Variants in LHPP observed in about 807,000 individuals in gnomAD.
LHPP encodes phospholysine phosphohistidine inorganic pyrophosphate phosphatase, also known as hLHPP.
A neutral mutation model predicts 30.3 loss-of-function variants in LHPP; 24 were observed. The observed-to-expected ratio is 0.79, with a 90% CI of 0.57 to 1.11. LHPP has a LOEUF of 1.11. Among genes scored for constraint, LHPP ranks in the 50% most tolerant of loss-of-function variants. The pLI, the probability that LHPP is intolerant of heterozygous loss-of-function variation, is 0.00. For synonymous variants in LHPP, 150 were observed against 157.1 expected (o/e 0.95, Z 0.34); for missense variants, 356 against 367.2 (o/e 0.97, Z 0.25).
chr10:124,498,572 A>G (rs955348484), intron 5 of LHPP: 31 of 1,087,594 alleles, frequency 2.9e-5, no homozygotes, highest in Admixed American at 5.7e-5. Flanking sequence ...TAGAAAGGAA[A>G]AAGAATCGGT....
intron 1 of LHPP, among the ~76,000 whole-genome samples, chr10:124,463,822 T>TTC (rs1952476522): frequency 6.6e-5 from 1 of 15,048 alleles, no homozygotes; most frequent in African/African-American, 1.5e-4. Context: ...TTTTTTTTCT[T>TTC]TTTTTTTTTT....
intron 6 of LHPP, among the ~76,000 whole-genome samples, chr10:124,574,741 G>A (rs1405346275): frequency 6.6e-6 from 1 of 152,142 alleles, no homozygotes; most frequent in Non-Finnish European, 1.5e-5. Context: ...GCTGAGGCTG[G>A]GGGAGGGCAT....
rs915553310 is a variant in LHPP at position 124,613,988 on chromosome 10, T to C, written c.*628T>C. On this transcript the variant is annotated 3_prime_UTR_variant, in exon 7 of 7. Transcript: ENST00000368842. ...CCAGGGGCAGCTCCCGAGGGCACTG[T>C]GAAGGCTCCCATGCCACACAGTGAG... 6.5e-6 allele frequency: 1 copy of C among 154,624 alleles called. No individual in the cohort carries two copies. The highest frequency in any genetic ancestry group is 1.4e-5 in the Non-Finnish European group (1 of 69,748). 9.6% of individuals were successfully genotyped at this position (154,624 alleles called of 1,614,324 possible).
At chr10:124,514,048 A>G (rs1954386815) in intron 5 of LHPP, among the ~76,000 whole-genome samples, 1 of 152,230 alleles carries the variant, frequency 6.6e-6, no homozygotes, top group African/African-American at 2.4e-5. Flanking sequence ...TTGTCAACCC[A>G]GATTCCTTGT....
chr10:124,462,581 C>G (rs1374433158), intron 1 of LHPP, among the ~76,000 whole-genome samples: 1 of 152,102 alleles, frequency 6.6e-6, no homozygotes, highest in East Asian at 1.9e-4. Context: ...GACTGCAGAG[C>G]GAGACGGTCT....
chr10:124,507,132 C>T (rs1158539897), intron 5 of LHPP, among the ~76,000 whole-genome samples: 2 of 17,476 alleles, frequency 1.1e-4, no homozygotes, highest in Admixed American at 8.8e-4. Context: ...GATTTCAGGT[C>T]GGGGGGTTAG....
At chr10:124,488,721 TTCTC>T in intron 3 of LHPP, 146 bp downstream of exon 3, 1 of 670,888 alleles carries the variant, frequency 1.5e-6, no homozygotes. Flanking sequence ...TTTTCATGCT[TTCTC>T]TCTTCATTTC....
At chr10:124,528,147 C>T (rs944187489) in intron 6 of LHPP, among the ~76,000 whole-genome samples, 1 of 152,162 alleles carries the variant, frequency 6.6e-6, no homozygotes, top group Non-Finnish European at 1.5e-5. Context: ...GAGGGTTAAG[C>T]TCGGCCCCTA....
chr10:124,475,028 G>GTTTTTTTTTTTTTTTTTT (rs536621289), intron 1 of LHPP, among the ~76,000 whole-genome samples: 1 of 9,652 alleles, frequency 1.0e-4, no homozygotes, highest in Non-Finnish European at 1.7e-4. Context: ...TGCTTCTCAT[G>GTTTTTTTTTTTTTTTTTT]TCTTTTTTTT....
chr10:124,551,836 C>T (rs1266015985), intron 6 of LHPP, among the ~76,000 whole-genome samples: 9 of 152,148 alleles, frequency 5.9e-5, no homozygotes, highest in Non-Finnish European at 1.0e-4. Context: ...CACCTCTGAC[C>T]TCGCTCCAGC....
chr10:124,468,874 G>A (rs1302651735), intron 1 of LHPP, among the ~76,000 whole-genome samples: 1 of 151,718 alleles, frequency 6.6e-6, no homozygotes, highest in Non-Finnish European at 1.5e-5. Flanking sequence ...CGTGGCAGAT[G>A]CCCAGAGTGG....
At position 124,541,528 on chromosome 10, in the gene LHPP, TC is replaced by T. The variant is rs1460184834; in HGVS notation, c.716+24260del. 2.0e-5 allele frequency among the ~76,000 whole-genome samples: 3 copies of T among 151,906 alleles called. No individual in the cohort carries two copies. The highest frequency in any genetic ancestry group is 7.3e-5 in the African/African-American group (3 of 41,348). ...AGGAATTCCACCTGGGCGTTTGGTGTCCCTAGCATATCTCGAATGGCAGGCT... is the reference window on the plus strand; with the variant it reads ...AGGAATTCCACCTGGGCGTTTGGTGTCCTAGCATATCTCGAATGGCAGGCT... On this transcript the variant is annotated intron_variant, in intron 6 of 6. Coordinates refer to ENST00000368842, the MANE Select transcript of LHPP (RefSeq NM_022126.4). This position sits in a 1 kb window ranked among gnomAD's most constrained non-coding sequence, Gnocchi z 4.2.
At chr10:124,493,344 G>A (rs1425322836) in intron 3 of LHPP, among the ~76,000 whole-genome samples, 8 of 152,114 alleles carry the variant, frequency 5.3e-5, no homozygotes, top group African/African-American at 1.7e-4. Context: ...TGCCGTCCTC[G>A]GCTGTGGGTC....
chr10:124,571,700 C>G (rs1253513724), intron 6 of LHPP, among the ~76,000 whole-genome samples: 1 of 152,100 alleles, frequency 6.6e-6, no homozygotes, highest in Admixed American at 6.5e-5. Context: ...TTTGCTGAGT[C>G]TTTTGCTCCC....
In LHPP at chr10:124,461,987, G is replaced by T; in HGVS notation, c.125G>T (p.Arg42Ile). The T allele has an allele frequency of 8.2e-7, 1 of 1,215,068 alleles. No homozygotes were observed. The highest frequency in any genetic ancestry group is 4.1e-5 in the South Asian group (1 of 24,232). 75.3% of individuals were successfully genotyped at this position (1,215,068 alleles called of 1,614,324 possible). A position where few individuals can be genotyped will look rare whatever the true frequency, so the allele number is the denominator to read the frequency against. Residue 42 changes from arginine to isoleucine, a missense_variant and splice_region_variant, in exon 1 of 7, where the codon AGA (arginine) becomes ATA (isoleucine). Coordinates refer to ENST00000368842, the MANE Select transcript of LHPP (RefSeq NM_022126.4). The part of the protein sequence containing the change: ...AIAGSVEAVA[R>I]LKRSRLKVRF... ...GCCGGCTCGGTGGAGGCGGTGGCCA[G>T]GTGAGTGGGCCCCGGGACGCCGCTG... is the stretch of plus-strand genomic sequence containing the variant.
chr10:124,490,058 G>T, intron 3 of LHPP: 1 of 172,518 alleles, frequency 5.8e-6, no homozygotes, highest in East Asian at 1.8e-4. Context: ...ATCTGTGGGT[G>T]TCCATCTCTG....
intron 1 of LHPP, among the ~76,000 whole-genome samples, chr10:124,476,658 C>T (rs796572647): frequency 7.2e-5 from 11 of 152,176 alleles, no homozygotes; most frequent in African/African-American, 4.8e-5. Flanking sequence ...TGGGCTCATG[C>T]GCACATCAGT....
chr10:124,531,150 C>T (rs1370757473), intron 6 of LHPP, among the ~76,000 whole-genome samples: 1 of 152,220 alleles, frequency 6.6e-6, no homozygotes, highest in Non-Finnish European at 1.5e-5. Flanking sequence ...CTGCCATATC[C>T]TCAAGGCCTT....
At chr10:124,550,885 G>A (rs375179131) in intron 6 of LHPP, among the ~76,000 whole-genome samples, 109 of 152,306 alleles carry the variant, frequency 7.2e-4, no homozygotes, top group African/African-American at 2.5e-3. Flanking sequence ...TCCAAGCTCT[G>A]CAGCAGGGAC....
Sources: gnomAD v4.1 joint callset for allele counts (sites outside exome capture counted in the v4.1 genomes callset) on GRCh38, gnomAD v4.1.1 for gene constraint, Gnocchi (gnomAD v3.1) non-coding constraint, MANE v1.5 for transcripts, NCBI Gene and HGNC (gene_info 2026-07-23, HGNC 2026-07-21) for gene names.